Variants in ASCC3 observed in about 807,000 individuals in gnomAD.
ASCC3 encodes the protein activating signal cointegrator 1 complex subunit 3, also known as ASC-1 complex subunit P200.
A neutral mutation model predicts 256.3 loss-of-function variants in ASCC3; 158 were observed. That is an observed-to-expected ratio of 0.62 (90% CI 0.54 to 0.70). The LOEUF is 0.70. Among genes scored for constraint, ASCC3 ranks in the 30% least tolerant of loss-of-function variants. ASCC3 has a pLI of 0.00. For synonymous variants in ASCC3, 948 were observed against 883.4 expected, an observed-to-expected ratio of 1.07 and a Z score of -1.30; for missense variants, 2,259 against 2,626.0, an observed-to-expected ratio of 0.86 and a Z score of 3.05.
intron 7 of ASCC3, 55 bp downstream of exon 7, chr6:100,799,376 T>C (rs1384098772): frequency 3.1e-6 from 5 of 1,588,262 alleles, no homozygotes; most frequent in African/African-American, 1.3e-5. Context: ...AATCCACACA[T>C]CATTTCTTTA....
In ASCC3 at chr6:100,516,219, G is replaced by C; in HGVS notation, c.6036C>G (p.Ser2012=). Residue 2012 remains serine (S), a synonymous_variant, in exon 39 of 42, where the codon TCC becomes TCG. Transcript: ENST00000369162. The part of the protein sequence containing the change: ...ACGGKDHVFS[S]MVESELHAAK... ...CAGCATGTAGCTCACTTTCTACCAT[G>C]GAGCTAAATACATGGTCTTTCCCTC... 2 of 1,613,470 alleles carry C rather than the reference G, an allele frequency of 1.2e-6. No homozygotes were observed. The highest frequency in any genetic ancestry group is 1.7e-6 in the Non-Finnish European group (2 of 1,179,664).
chr6:100,725,616 T>C lies in ASCC3; in HGVS notation c.1825A>G (p.Ile609Val), dbSNP rs746620740. The change falls in exon 11 of 42, where the codon ATT becomes GTT. Residue 609 changes from isoleucine to valine, a missense_variant. Physicochemically the swap from Ile to Val is conservative, Grantham distance 29. Coordinates refer to ENST00000369162, the MANE Select transcript of ASCC3 (RefSeq NM_006828.4). ...VALSQIVRLL[I>V]LDEVHLLHED... Reference sequence around the variant, plus strand: ...TGCAGCAAATGAACTTCATCAAGAATAAGGAGCCTTACAATCTGGGAAAGA... The same window carrying C: ...TGCAGCAAATGAACTTCATCAAGAACAAGGAGCCTTACAATCTGGGAAAGA... The C allele has an allele frequency of 6.2e-7, 1 of 1,612,866 alleles. No homozygotes were observed. The highest frequency in any genetic ancestry group is 1.1e-5 in the South Asian group (1 of 91,054).
intron 13 of ASCC3, among the ~76,000 whole-genome samples, chr6:100,683,231 A>G (rs239192): frequency 0.073 from 11,083 of 152,210 alleles, 593 homozygotes; most frequent in African/African-American, 0.15. Context: ...ATGCTACCAG[A>G]TTTCTATTCT....
intron 34 of ASCC3, among the ~76,000 whole-genome samples, chr6:100,600,956 C>A (rs1294724953): frequency 5.3e-5 from 8 of 152,106 alleles, no homozygotes; most frequent in Non-Finnish European, 7.4e-5. Flanking sequence ...CTTGTAGCCT[C>A]TGGTTCTTGG....
intron 13 of ASCC3, among the ~76,000 whole-genome samples, chr6:100,696,795 TA>T (rs1215719303): frequency 6.6e-6 from 1 of 152,008 alleles, no homozygotes; most frequent in Non-Finnish European, 1.5e-5. Flanking sequence ...CCAAAATAAA[TA>T]AAATTAACGA....
chr6:100,774,610 C>A (rs1782100787), intron 8 of ASCC3, among the ~76,000 whole-genome samples: 1 of 152,080 alleles, frequency 6.6e-6, no homozygotes, highest in African/African-American at 2.4e-5. Context: ...CGTGATCCAC[C>A]CAGCTTGGCC....
chr6:100,692,548 T>C (rs1260311631), intron 13 of ASCC3, among the ~76,000 whole-genome samples: 2 of 152,110 alleles, frequency 1.3e-5, no homozygotes, highest in African/African-American at 4.8e-5. Flanking sequence ...TATTGAAAAT[T>C]TCCTTAGGCC....
At chr6:100,817,303 CT>C (rs970431722) in intron 4 of ASCC3, among the ~76,000 whole-genome samples, 1 of 151,548 alleles carries the variant, frequency 6.6e-6, no homozygotes, top group African/African-American at 2.4e-5. Context: ...AAATTTATAG[CT>C]GTAAATGCAT....
In ASCC3 at chr6:100,825,668, G is replaced by T. The variant is rs112009972; in HGVS notation, c.802-19788C>A. Among the ~76,000 whole-genome samples the T allele has an allele frequency of 3.3e-5, 5 of 152,194 alleles. 1 individual carries two copies. Among genetic ancestry groups the T allele is most frequent in the African/African-American group, 1.2e-4 (5 of 41,532 alleles). On this transcript the variant is annotated intron_variant, in intron 4 of 41. Coordinates refer to ENST00000369162, the MANE Select transcript of ASCC3 (RefSeq NM_006828.4). ...TGGCCTGTCTTGCTAGGTTGGGGAA[G>T]TTCTCCTGGATAATATCCTGAAGAG... is the stretch of plus-strand genomic sequence containing the variant.
intron 8 of ASCC3, among the ~76,000 whole-genome samples, chr6:100,776,898 T>C (rs78050750): frequency 1.3e-5 from 2 of 152,050 alleles, no homozygotes; most frequent in East Asian, 1.9e-4. Context: ...ATAAATCATA[T>C]AGATACCAAG....
chr6:100,695,846 G>T (rs753860194), intron 13 of ASCC3, among the ~76,000 whole-genome samples: 1 of 152,090 alleles, frequency 6.6e-6, no homozygotes, highest in Non-Finnish European at 1.5e-5. Flanking sequence ...GCTGGCTCTC[G>T]CCATGTAGAT....
intron 8 of ASCC3, among the ~76,000 whole-genome samples, chr6:100,778,671 CTT>C (rs1782306023): frequency 6.6e-6 from 1 of 151,916 alleles, no homozygotes; most frequent in Admixed American, 6.6e-5. Flanking sequence ...GTTAACATAA[CTT>C]AATAAACAAA....
At chr6:100,585,271 GT>G (rs1771585155) in intron 36 of ASCC3, among the ~76,000 whole-genome samples, 1 of 152,144 alleles carries the variant, frequency 6.6e-6, no homozygotes, top group African/African-American at 2.4e-5. Context: ...TGGAGGCTTT[GT>G]TCGTTTCTTT....
intron 10 of ASCC3, among the ~76,000 whole-genome samples, chr6:100,735,456 AT>A (rs10549867): frequency 0.019 from 2,920 of 151,114 alleles, 79 homozygotes; most frequent in African/African-American, 0.068. Flanking sequence ...TTAACATCTT[AT>A]TTTTTTTTTT....
Position 100,540,391 on chromosome 6 carries a change from A to G in ASCC3, c.5551-4T>C, listed in dbSNP as rs1234011223. On this transcript the variant is annotated splice_polypyrimidine_tract_variant and splice_region_variant and intron_variant, in intron 36 of 41. Coordinates refer to ENST00000369162, the MANE Select transcript of ASCC3 (RefSeq NM_006828.4). ...AATCTGTATATTCTTCTGCATCCTG[A>G]AAAAAAAAAAAAGCCCCACATTGTT... The G allele has an allele frequency of 5.8e-6, 3 of 515,782 alleles. No homozygotes were observed. Among genetic ancestry groups the G allele is most frequent in the Non-Finnish European group, 8.1e-6 (3 of 369,562 alleles). The allele number at this position is 515,782 out of a possible 1,614,324, so 32.0% of individuals were successfully genotyped here.
intron 1 of ASCC3, among the ~76,000 whole-genome samples, chr6:100,874,212 A>G (rs1006303692): frequency 1.3e-5 from 2 of 152,264 alleles, no homozygotes; most frequent in African/African-American, 4.8e-5. Flanking sequence ...TCACACCTGT[A>G]ATCCCAGCAC....
At chr6:100,818,769 A>G (rs1398080019) in intron 4 of ASCC3, among the ~76,000 whole-genome samples, 13 of 144,648 alleles carry the variant, frequency 9.0e-5, no homozygotes, top group East Asian at 2.0e-4. Flanking sequence ...AAAAAAAAAA[A>G]AAAGAAATAT....
intron 30 of ASCC3, 33 bp from the exon 31 acceptor site, chr6:100,607,121 T>C (rs570241335): frequency 1.9e-6 from 3 of 1,606,220 alleles, no homozygotes; most frequent in Non-Finnish European, 2.6e-6. Flanking sequence ...AAGATGTAGA[T>C]GCATAACTTT....
intron 33 of ASCC3, among the ~76,000 whole-genome samples, chr6:100,603,460 C>T (rs905900339): frequency 2.0e-5 from 3 of 152,030 alleles, no homozygotes; most frequent in African/African-American, 7.2e-5. Context: ...TACCTTACTG[C>T]AGTGGTTTGG....
Sources: allele counts gnomAD v4.1 joint callset (sites outside exome capture counted in the v4.1 genomes callset), GRCh38; gene constraint gnomAD v4.1.1; transcripts MANE v1.5; gene names NCBI Gene and HGNC (gene_info 2026-07-23, HGNC 2026-07-21).